The following DPP8 variants were observed in gnomAD, a reference collection of about 807,000 sequenced individuals.
DPP8 encodes the protein DPP VIII.
A neutral mutation model predicts 107.5 loss-of-function variants in DPP8; 31 were observed. The ratio of observed to expected loss-of-function variants is 0.29; its 90% CI spans 0.22 to 0.39. The LOEUF (loss-of-function observed/expected upper bound fraction) is 0.39, where lower values mean the gene tolerates loss of function less well. DPP8 is among the 10% of genes least tolerant of loss of function. The pLI is 1.00. For synonymous variants in DPP8, 381 were observed against 356.6 expected (o/e 1.07, Z -0.77); for missense variants, 842 against 1,076.1 (o/e 0.78, Z 3.04).
At chr15:65,511,725 C>A (rs1410579842) in intron 2 of DPP8, among the ~76,000 whole-genome samples, 2 of 33,984 alleles carry the variant, frequency 5.9e-5, no homozygotes, top group Non-Finnish European at 1.0e-4. Context: ...ATACACACAC[C>A]ACACACACAC....
chr15:65,468,377 C>T (rs146489446), intron 12 of DPP8, among the ~76,000 whole-genome samples: 39 of 152,066 alleles, frequency 2.6e-4, no homozygotes, highest in Non-Finnish European at 4.4e-4. Context: ...TCCCTGTAGT[C>T]CCAGCTACTT....
intron 5 of DPP8, among the ~76,000 whole-genome samples, chr15:65,491,764 G>A (rs140022153): frequency 6.6e-6 from 1 of 151,996 alleles, no homozygotes; most frequent in Admixed American, 6.5e-5. Context: ...ACGGAGTCTC[G>A]CTCTGTTGCC....
At chr15:65,493,823 A>G (rs1273196167) in intron 5 of DPP8, among the ~76,000 whole-genome samples, 2 of 152,194 alleles carry the variant, frequency 1.3e-5, no homozygotes, top group Non-Finnish European at 2.9e-5. Context: ...AAGAATAAAC[A>G]CATGTACATA....
At position 65,451,952 on chromosome 15, in the gene DPP8, G is replaced by C. The variant is rs755034858; in HGVS notation, c.2414+8C>G. On this transcript the variant is annotated splice_region_variant and intron_variant, in intron 18 of 19. Coordinates refer to ENST00000300141, the MANE Select transcript of DPP8 (RefSeq NM_130434.5). ...TTTAAAAAAAAAAAAAAAAAAGCTTGCACTTACTCAGAGGGGAACTTTTCT... is the reference window on the plus strand; with the variant it reads ...TTTAAAAAAAAAAAAAAAAAAGCTTCCACTTACTCAGAGGGGAACTTTTCT... 2.0e-6 allele frequency: 3 copies of C among 1,534,814 alleles called. No homozygotes were observed. Among genetic ancestry groups the C allele is most frequent in the South Asian group, 1.2e-5 (1 of 82,422 alleles).
intron 15 of DPP8, chr15:65,458,660 ATTTCACTC>A (rs887708339): frequency 2.6e-5 from 4 of 152,092 alleles, no homozygotes; most frequent in Non-Finnish European, 4.4e-5. Context: ...CTTTTCTTGT[ATTTCACTC>A]TTTCCTGACC....
At chr15:65,481,064 A>G (rs537307465) in intron 9 of DPP8, among the ~76,000 whole-genome samples, 1 of 149,396 alleles carries the variant, frequency 6.7e-6, no homozygotes, top group Admixed American at 6.7e-5. Flanking sequence ...AGCCTAGGTG[A>G]CAAAGCGAGA....
chr15:65,456,211 T>C lies in DPP8; in HGVS notation c.2118+14A>G. On this transcript the variant is annotated intron_variant, in intron 16 of 19. Transcript: ENST00000300141. ...TAAATGTCTGTAAAAGAAAAGTGTTTTATGCTCACACACCATTTTATATTT... is the reference window on the plus strand; with the variant it reads ...TAAATGTCTGTAAAAGAAAAGTGTTCTATGCTCACACACCATTTTATATTT... 1 of 1,600,904 alleles carries C rather than the reference T, an allele frequency of 6.2e-7. No homozygotes were observed. The highest frequency in any genetic ancestry group is 1.1e-5 in the South Asian group (1 of 88,378).
At chr15:65,505,983 G>GT (rs1175220362) in intron 3 of DPP8, among the ~76,000 whole-genome samples, 301 of 139,750 alleles carry the variant, frequency 2.2e-3, no homozygotes, top group African/African-American at 4.1e-3. Flanking sequence ...TGTTATAAAA[G>GT]TTTTTTTTTT....
intron 12 of DPP8, among the ~76,000 whole-genome samples, chr15:65,473,238 T>C (rs566697606): frequency 1.3e-5 from 2 of 150,424 alleles, no homozygotes; most frequent in South Asian, 2.1e-4. Flanking sequence ...AGCAGGAGAA[T>C]TGCTTGAACC....
chr15:65,461,499 C>T (rs879945310), intron 15 of DPP8, among the ~76,000 whole-genome samples: 1 of 152,120 alleles, frequency 6.6e-6, no homozygotes, highest in Non-Finnish European at 1.5e-5. Context: ...CATTTCTTCA[C>T]TGGGAGGGGA....
At chr15:65,506,290 T>C (rs1479797818) in intron 3 of DPP8, among the ~76,000 whole-genome samples, 3 of 151,930 alleles carry the variant, frequency 2.0e-5, no homozygotes, top group Admixed American at 6.6e-5. Flanking sequence ...GACTGCGCCA[T>C]TGAACTCCAG....
chr15:65,460,418 G>A (rs1341439880), intron 15 of DPP8, among the ~76,000 whole-genome samples: 1 of 152,108 alleles, frequency 6.6e-6, no homozygotes, highest in East Asian at 1.9e-4. Context: ...ATTATAGCCT[G>A]GAAGACAGAG....
rs112432218 is a variant in DPP8 at position 65,497,257 on chromosome 15, A to T, written c.715+607T>A. On this transcript the variant is annotated intron_variant, in intron 5 of 19. Transcript: ENST00000300141. The stretch of plus-strand genomic sequence containing the variant: ...TTTCTCAAAAACAAAACTAATTTTT[A>T]AAAATGTATTTATTTATTTATTTAA... Among the ~76,000 whole-genome samples, 1,313 of 152,224 alleles carry T rather than the reference A, an allele frequency of 8.6e-3. 21 individuals are homozygous for T. The highest frequency in any genetic ancestry group is 0.03 in the African/African-American group (1,232 of 41,538).
rs760266266 is a variant in DPP8, at chr15:65,466,767, T to C, written c.1736A>G (p.His579Arg). The change falls in exon 14 of 20, where the codon CAC becomes CGC. Residue 579 changes from histidine (H) to arginine (R), a missense_variant. His to Arg is a conservative substitution (Grantham distance 29). Transcript: ENST00000300141. ...ISKYSNQKNPHCVSLYKLSSP... is the reference protein window; with the variant it reads ...ISKYSNQKNPRCVSLYKLSSP... Reference sequence around the variant, plus strand: ...TGATAGCTTGTAAAGGGACACACAGTGTGGATTCTTCTGGTTACTATACTT... The same window carrying C: ...TGATAGCTTGTAAAGGGACACACAGCGTGGATTCTTCTGGTTACTATACTT... 3.1e-6 allele frequency: 5 copies of C among 1,613,824 alleles called. No homozygotes were observed. Among genetic ancestry groups the C allele is most frequent in the African/African-American group, 1.3e-5 (1 of 74,922 alleles).
At chr15:65,456,832 G>A (rs1349065344) in intron 15 of DPP8, among the ~76,000 whole-genome samples, 1 of 152,040 alleles carries the variant, frequency 6.6e-6, no homozygotes, top group African/African-American at 2.4e-5. Flanking sequence ...GGCTACCTCT[G>A]ACCTCATCTC....
At position 65,470,226 on chromosome 15, in the gene DPP8, A is replaced by G. The variant is rs373966148; in HGVS notation, c.1537-3003T>C. Among the ~76,000 whole-genome samples the G allele has an allele frequency of 6.8e-3, 1,029 of 150,776 alleles. 13 individuals are homozygous for G. Among genetic ancestry groups the G allele is most frequent in the African/African-American group, 0.024 (981 of 41,106 alleles). ...AAAAAAAAAAAAAAAAAAAAGAAAG[A>G]AAAAAGAAAACAACTTTGGGTGGGA... On this transcript the variant is annotated intron_variant, in intron 12 of 19. Transcript: ENST00000300141.
intron 5 of DPP8, among the ~76,000 whole-genome samples, chr15:65,490,513 G>C (rs992183964): frequency 6.6e-6 from 1 of 151,790 alleles, no homozygotes; most frequent in African/African-American, 2.4e-5. Flanking sequence ...AATGAGAAAA[G>C]GCTACCTTGT....
chr15:65,471,513 ATTTTTT>A (rs35149810), intron 12 of DPP8, among the ~76,000 whole-genome samples: 4 of 125,276 alleles, frequency 3.2e-5, no homozygotes, highest in Admixed American at 2.4e-4. Context: ...TAACCAGCCT[ATTTTTT>A]TTTTTTTTTT....
chr15:65,454,233 C>A, intron 17 of DPP8, 30 bp downstream of exon 17: 1 of 1,424,114 alleles, frequency 7.0e-7, no homozygotes, highest in South Asian at 1.7e-5. Context: ...ACCCTTATTG[C>A]AAAAATGAGT....
Sources: allele counts gnomAD v4.1 joint callset (sites outside exome capture counted in the v4.1 genomes callset), GRCh38; gene constraint gnomAD v4.1.1; transcripts MANE v1.5; gene names NCBI Gene and HGNC (gene_info 2026-07-23, HGNC 2026-07-21).